The following GOLGA8M variants were observed in gnomAD, a reference collection of about 807,000 sequenced individuals.
The protein encoded by GOLGA8M is golgin A8 family member M, also known as golgin subfamily A member 8M.
Under a neutral mutation model 87.7 loss-of-function variants are expected in GOLGA8M, and 34 were observed. The ratio of observed to expected loss-of-function variants is 0.39; its 90% confidence interval spans 0.29 to 0.52. GOLGA8M has a LOEUF of 0.52. Among genes scored for constraint, GOLGA8M ranks in the 20% least tolerant of loss-of-function variants. GOLGA8M has a pLI of 0.80. For synonymous variants in GOLGA8M, 138 were observed against 250.2 expected (o/e 0.55, Z 4.23); for missense variants, 396 against 682.2 (o/e 0.58, Z 4.67).
chr15:28,705,294 T>TC, intron 12 of GOLGA8M, 67 bp from the exon 13 acceptor site: 1 of 1,513,918 alleles, frequency 6.6e-7, no homozygotes, highest in Admixed American at 1.9e-5. Flanking sequence ...GGTGTCTGCC[T>TC]CCCATGGCAC....
At chr15:28,712,622 G>A (rs1202342623), upstream of GOLGA8M, among the ~76,000 whole-genome samples, 4 of 151,078 alleles carry the variant, frequency 2.6e-5, no homozygotes, top group African/African-American at 7.3e-5. Context: ...AGAGGGGAGA[G>A]GCCTCCCACT....
Position 28,699,137 on chromosome 15 carries a change from A to C in GOLGA8M, c.*2817T>G, listed in dbSNP as rs1292376396. Among the ~76,000 whole-genome samples the C allele has an allele frequency of 6.7e-6, 1 of 148,584 alleles. No individual in the cohort carries two copies. The highest frequency in any genetic ancestry group is 2.5e-5 in the African/African-American group (1 of 40,106). ...GGATAGGGCTGATTTACATTTTCAA[A>C]TTTTCTAAAATCAGCTTTGGTTTTA... On this transcript the variant is annotated 3_prime_UTR_variant, in exon 19 of 19. Coordinates refer to ENST00000563027, the MANE Select transcript of GOLGA8M (RefSeq NM_001282468.3).
upstream of GOLGA8M, among the ~76,000 whole-genome samples, chr15:28,712,832 C>T (rs912817325): frequency 1.3e-5 from 2 of 152,084 alleles, no homozygotes; most frequent in Non-Finnish European, 2.9e-5. Flanking sequence ...CAAAAATTAC[C>T]AGTATTATCT....
Position 28,702,624 on chromosome 15 carries a change from G to A in GOLGA8M, c.1469+21C>T, listed in dbSNP as rs571406640. 3.8e-4 allele frequency: 606 copies of A among 1,609,518 alleles called. 8 individuals are homozygous for A. The highest frequency in any genetic ancestry group is 3.4e-3 in the African/African-American group (253 of 74,614). On this transcript the variant is annotated intron_variant, in intron 16 of 18. Coordinates refer to ENST00000563027, the MANE Select transcript of GOLGA8M (RefSeq NM_001282468.3). The stretch of plus-strand genomic sequence containing the variant: ...CGACGGTCCTGCAGCTCCCCCTGCC[G>A]TGCCCTGGCCTCCCACTCACTGATG...
Position 28,702,509 on chromosome 15 carries a change from A to G in GOLGA8M, c.1523T>C (p.Leu508Pro), listed in dbSNP as rs775694599. The G allele has an allele frequency of 8.2e-6, 13 of 1,585,816 alleles. No homozygotes were observed. The highest frequency in any genetic ancestry group is 1.1e-5 in the Non-Finnish European group (13 of 1,176,186). The change falls in exon 17 of 19, where the codon CTG (leucine) becomes CCG (proline). Residue 508 changes from leucine to proline, a missense_variant. Transcript: ENST00000563027. ...TCCAGCCTGATGGTGTCCTCCTCCC[A>G]GTGCCGCATCTTTGGCACGGCCCCC... Reference protein sequence around the residue: ...EPGGRAKDAALGGGHHQAGAQ... With the variant: ...EPGGRAKDAAPGGGHHQAGAQ...
intron 13 of GOLGA8M, 28 bp downstream of exon 13, chr15:28,705,131 A>G (rs2079974463): frequency 1.3e-6 from 2 of 1,597,412 alleles, no homozygotes; most frequent in Non-Finnish European, 1.7e-6. Context: ...CCCTTCTTGG[A>G]TGGGGTGGAG....
At chr15:28,712,977 CTTA>C, upstream of GOLGA8M, among the ~76,000 whole-genome samples, 1 of 148,754 alleles carries the variant, frequency 6.7e-6, no homozygotes, top group African/African-American at 2.5e-5. Flanking sequence ...AAATGTTTCT[CTTA>C]TTCTCCTATG....
intron 1 of GOLGA8M, chr15:28,711,563 C>A (rs1451546766): frequency 1.0e-6 from 1 of 967,310 alleles, no homozygotes; most frequent in Non-Finnish European, 1.2e-6. Context: ...GAACCTCTTG[C>A]TCCTAGGTCC....
Position 28,712,351 on chromosome 15 carries a change from G to A in GOLGA8M, c.-28C>T. Reference sequence around the variant, plus strand: ...CAGGGTGGGGAGGGAGGCAGGGTTGGGGCCACAGCAGCAAAATCGCAATGA... The same window carrying A: ...CAGGGTGGGGAGGGAGGCAGGGTTGAGGCCACAGCAGCAAAATCGCAATGA... On this transcript the variant is annotated 5_prime_UTR_variant, in exon 1 of 19. Coordinates refer to ENST00000563027, the MANE Select transcript of GOLGA8M (RefSeq NM_001282468.3). 4.0e-6 allele frequency: 6 copies of A among 1,495,640 alleles called. No homozygotes were observed. The highest frequency in any genetic ancestry group is 5.4e-6 in the Non-Finnish European group (6 of 1,108,034). The allele number at this position is 1,495,640 out of a possible 1,614,324, so 92.6% of individuals were successfully genotyped here.
At chr15:28,711,897 G>A (rs1358216781) in intron 1 of GOLGA8M, 2 of 985,028 alleles carry the variant, frequency 2.0e-6, no homozygotes, top group South Asian at 4.7e-5. Flanking sequence ...TCTGCAGCAG[G>A]GAGCCCCAGG....
In GOLGA8M at chr15:28,707,662, C is replaced by T. The variant is rs546443601; in HGVS notation, c.591+86G>A. ...GCCATGCTGCCTTCTGGGCAGGACACGCCATCCTGCAGAAGGGACCTTTAG... is the reference window on the plus strand; with the variant it reads ...GCCATGCTGCCTTCTGGGCAGGACATGCCATCCTGCAGAAGGGACCTTTAG... On this transcript the variant is annotated intron_variant, in intron 8 of 18. Coordinates refer to ENST00000563027, the MANE Select transcript of GOLGA8M (RefSeq NM_001282468.3). 1.9e-4 allele frequency: 232 copies of T among 1,242,310 alleles called. 1 individual carries two copies. Among genetic ancestry groups the T allele is most frequent in the Non-Finnish European group, 2.3e-4 (203 of 884,648 alleles). The allele number at this position is 1,242,310 out of a possible 1,614,324, so 77.0% of individuals were successfully genotyped here.
intron 1 of GOLGA8M, chr15:28,711,990 G>A (rs989271343): frequency 1.0e-6 from 1 of 984,882 alleles, no homozygotes; most frequent in Non-Finnish European, 1.2e-6. Flanking sequence ...AGAGCCCAGG[G>A]AGATCAAGCT....
chr15:28,708,680 A>G (rs2080113864), intron 4 of GOLGA8M, among the ~76,000 whole-genome samples: 1 of 151,590 alleles, frequency 6.6e-6, no homozygotes, highest in Non-Finnish European at 1.5e-5. Flanking sequence ...ATGGAGTTTC[A>G]GAAAGGCCCC....
At position 28,702,763 on chromosome 15, in the gene GOLGA8M, C is replaced by G. The variant is rs574796279; in HGVS notation, c.1369-18G>C. ...AAGCTGCTCTGGAGCCAAAATATTG[C>G]AGTCACATCTCGGCAGCGACCTGCC... On this transcript the variant is annotated intron_variant, in intron 15 of 18. Coordinates refer to ENST00000563027, the MANE Select transcript of GOLGA8M (RefSeq NM_001282468.3). The G allele has an allele frequency of 2.7e-5, 43 of 1,597,538 alleles. No homozygotes were observed. The highest frequency in any genetic ancestry group is 6.8e-5 in the East Asian group (3 of 44,328).
At chr15:28,712,630 A>G (rs985700549), upstream of GOLGA8M, among the ~76,000 whole-genome samples, 8 of 151,244 alleles carry the variant, frequency 5.3e-5, no homozygotes, top group African/African-American at 1.7e-4. Context: ...GAGGCCTCCC[A>G]CTCTGGAAGA....
At position 28,700,899 on chromosome 15, in the gene GOLGA8M, G is replaced by A. The variant is rs1310407448; in HGVS notation, c.*1055C>T. Among the ~76,000 whole-genome samples the A allele has an allele frequency of 3.3e-5, 5 of 152,080 alleles. No individual in the cohort carries two copies. The highest frequency in any genetic ancestry group is 5.9e-5 in the Non-Finnish European group (4 of 68,036). ...TCTAATTCATTCTTGACTAGAGCCT[G>A]TATGCCTGTTCCAGGGACGTTTGAA... On this transcript the variant is annotated 3_prime_UTR_variant, in exon 19 of 19. Coordinates refer to ENST00000563027, the MANE Select transcript of GOLGA8M (RefSeq NM_001282468.3).
rs62009578 is a variant in GOLGA8M, at chr15:28,702,557, A to G, written c.1475T>C (p.Ile492Thr). The G allele has an allele frequency of 6.9e-3, 11,013 of 1,592,396 alleles. 146 individuals carry two copies. Among genetic ancestry groups the G allele is most frequent in the African/African-American group, 0.016 (1,221 of 74,280 alleles). ...CCCTGGTTCTGATAAAAGGTGATGG[A>G]TTTTCCTGCGGGAGGACGGGGCTCA... ...QYWQERCHQK[I>T]HHLLSEPGGR... The change falls in exon 17 of 19, where the codon ATC becomes ACC. Residue 492 changes from isoleucine (I) to threonine (T), a missense_variant. Ile to Thr is a moderately conservative substitution (Grantham distance 89). Coordinates refer to ENST00000563027, the MANE Select transcript of GOLGA8M (RefSeq NM_001282468.3).
chr15:28,704,222 A>G (rs974991485), intron 13 of GOLGA8M, among the ~76,000 whole-genome samples: 1 of 147,976 alleles, frequency 6.8e-6, no homozygotes, highest in Non-Finnish European at 1.5e-5. Context: ...GCAGACTCTG[A>G]GCCTCTTGGC....
intron 2 of GOLGA8M, 150 bp downstream of exon 2, chr15:28,710,337 A>G (rs2080161250): frequency 9.5e-6 from 8 of 844,050 alleles, no homozygotes; most frequent in Non-Finnish European, 1.4e-5. Context: ...TTGGCCTCCC[A>G]AAGTGCTAGG....
Sources: allele counts gnomAD v4.1 joint callset (sites outside exome capture counted in the v4.1 genomes callset), GRCh38; gene constraint gnomAD v4.1.1; transcripts MANE v1.5; gene names NCBI Gene and HGNC (gene_info 2026-07-23, HGNC 2026-07-21).